The following CNNM2 variants were observed in gnomAD, a reference collection of about 807,000 sequenced individuals.
The protein encoded by CNNM2 is cyclin and CBS domain divalent metal cation transport mediator 2.
A neutral mutation model predicts 66.9 loss-of-function variants in CNNM2; 12 were observed. The observed-to-expected ratio is 0.18, with a 90% CI of 0.11 to 0.29. The LOEUF is 0.29. CNNM2 is among the 10% of genes least tolerant of loss of function. CNNM2 has a pLI of 1.00. For synonymous variants in CNNM2, 557 were observed against 501.8 expected, an observed-to-expected ratio of 1.11 and a Z score of -1.47; for missense variants, 705 against 1,167.7, an observed-to-expected ratio of 0.60 and a Z score of 5.77.
chr10:102,972,901 C>G (rs982648901), intron 1 of CNNM2, among the ~76,000 whole-genome samples: 2 of 152,140 alleles, frequency 1.3e-5, no homozygotes, highest in East Asian at 1.9e-4. Flanking sequence ...ACTGTACAAT[C>G]AAGTTTCTTT....
At chr10:103,014,592 C>T (rs888337507) in intron 1 of CNNM2, among the ~76,000 whole-genome samples, 2 of 151,954 alleles carry the variant, frequency 1.3e-5, no homozygotes, top group Admixed American at 6.6e-5. Flanking sequence ...TTTTAAAAGC[C>T]CACTTTTCTT....
chr10:103,000,308 CTG>C (rs1269711099), intron 1 of CNNM2, among the ~76,000 whole-genome samples: 2 of 151,704 alleles, frequency 1.3e-5, no homozygotes, highest in East Asian at 1.9e-4. Context: ...CTATAGAAAA[CTG>C]TGTGGCATCT....
chr10:102,974,971 G>C (rs2063603440), intron 1 of CNNM2, among the ~76,000 whole-genome samples: 1 of 152,174 alleles, frequency 6.6e-6, no homozygotes, highest in South Asian at 2.1e-4. Flanking sequence ...TGAGAACTTG[G>C]GGCATGGGAA....
At chr10:103,029,959 C>T (rs1174794957) in intron 1 of CNNM2, among the ~76,000 whole-genome samples, 3 of 151,916 alleles carry the variant, frequency 2.0e-5, no homozygotes, top group Admixed American at 1.3e-4. Context: ...TTTGTGGGAA[C>T]AGTGACAGGC....
intron 1 of CNNM2, among the ~76,000 whole-genome samples, chr10:102,943,107 C>A (rs995318941): frequency 3.9e-5 from 6 of 152,114 alleles, no homozygotes; most frequent in African/African-American, 1.4e-4. Context: ...CTCCTGTAAT[C>A]CCAGCTACTT....
At chr10:103,037,486 A>G (rs1210045589) in intron 1 of CNNM2, among the ~76,000 whole-genome samples, 1 of 151,952 alleles carries the variant, frequency 6.6e-6, no homozygotes, top group Non-Finnish European at 1.5e-5. Context: ...GGTGACAGTT[A>G]AGTATAGTGT....
At chr10:102,996,186 G>A (rs368652937) in intron 1 of CNNM2, among the ~76,000 whole-genome samples, 4 of 150,554 alleles carry the variant, frequency 2.7e-5, no homozygotes, top group South Asian at 2.1e-4. Flanking sequence ...CTTTCTAGAG[G>A]TTTATCAATT....
At chr10:102,933,177 G>A (rs539281395) in intron 1 of CNNM2, among the ~76,000 whole-genome samples, 7 of 152,166 alleles carry the variant, frequency 4.6e-5, no homozygotes, top group South Asian at 2.1e-4. Context: ...AAAAAAGGCA[G>A]TTGGAATTTA....
chr10:102,971,407 G>A (rs146459691), intron 1 of CNNM2, among the ~76,000 whole-genome samples: 47 of 152,030 alleles, frequency 3.1e-4, no homozygotes, highest in African/African-American at 1.1e-3. Context: ...TTTGTTTATT[G>A]GTTTTTTTAA....
chr10:103,039,504 T>G (rs2065002143), intron 1 of CNNM2, among the ~76,000 whole-genome samples: 2 of 152,232 alleles, frequency 1.3e-5, no homozygotes, highest in African/African-American at 4.8e-5. Flanking sequence ...TTCATCCATG[T>G]ATTCATTACA....
At chr10:103,071,743 C>T (rs374890180) in intron 5 of CNNM2, 31 bp from the exon 6 acceptor site, 104 of 1,579,646 alleles carry the variant, frequency 6.6e-5, no homozygotes, top group African/African-American at 4.8e-4. Flanking sequence ...CCTTTTGATG[C>T]GATCTCACCC....
intron 1 of CNNM2, among the ~76,000 whole-genome samples, chr10:102,965,856 T>A (rs571772718): frequency 1.3e-5 from 2 of 152,324 alleles, no homozygotes; most frequent in African/African-American, 4.8e-5. Flanking sequence ...CTTGCTAGAC[T>A]TTTTTAAGCT....
In CNNM2 at chr10:102,932,737, G is replaced by C. The variant is rs554206180; in HGVS notation, c.1621+12636G>C. Among the ~76,000 whole-genome samples, 3 of 152,080 alleles carry C rather than the reference G, an allele frequency of 2.0e-5. No individual in the cohort carries two copies. The East Asian group carries it at 5.8e-4, about 29-fold the overall frequency. The stretch of plus-strand genomic sequence containing the variant: ...GTTCAAGACCAGCCTGGCCAACATG[G>C]TGAAACCCCGTCTCTACTAAAAATA... On this transcript the variant is annotated intron_variant, in intron 1 of 7. Transcript: ENST00000369878.
chr10:102,951,422 C>T (rs1368022232), intron 1 of CNNM2, among the ~76,000 whole-genome samples: 1 of 151,998 alleles, frequency 6.6e-6, no homozygotes, highest in Non-Finnish European at 1.5e-5. Flanking sequence ...GTTTCGAATT[C>T]TTGATCTCAA....
At chr10:103,069,633 C>T (rs1041620490) in intron 5 of CNNM2, among the ~76,000 whole-genome samples, 1 of 152,172 alleles carries the variant, frequency 6.6e-6, no homozygotes, top group African/African-American at 2.4e-5. Flanking sequence ...CACAAGATTC[C>T]AAGATGCCAG....
chr10:103,052,223 G>T (rs1274610420), intron 2 of CNNM2, among the ~76,000 whole-genome samples: 1 of 150,958 alleles, frequency 6.6e-6, no homozygotes, highest in African/African-American at 2.4e-5. Context: ...AGAGGTTGCA[G>T]TGAGCAGAGA....
At chr10:103,003,489 A>T (rs1352398544) in intron 1 of CNNM2, among the ~76,000 whole-genome samples, 1 of 152,204 alleles carries the variant, frequency 6.6e-6, no homozygotes, top group Non-Finnish European at 1.5e-5. Flanking sequence ...AGTTACTAGT[A>T]TATAGCTTGA....
chr10:103,076,360 G>C, intron 7 of CNNM2, 90 bp downstream of exon 7: 1 of 1,301,192 alleles, frequency 7.7e-7, no homozygotes. Context: ...GCCCTCCTCA[G>C]AACTCTCCCT....
chr10:103,010,203 C>G (rs930483340), intron 1 of CNNM2, among the ~76,000 whole-genome samples: 2 of 151,984 alleles, frequency 1.3e-5, no homozygotes, highest in South Asian at 4.2e-4. Context: ...ATGTACATTG[C>G]AAAATAGTAT....
Sources: gnomAD v4.1 joint callset for allele counts (sites outside exome capture counted in the v4.1 genomes callset) on GRCh38, gnomAD v4.1.1 for gene constraint, MANE v1.5 for transcripts, NCBI Gene and HGNC (gene_info 2026-07-23, HGNC 2026-07-21) for gene names.